PIGK: variants seen among roughly 807,000 people sequenced by gnomAD.
PIGK encodes GPI-anchor transamidase.
PIGK carries 42 observed loss-of-function variants against 50.6 expected under a neutral mutation model. That is an observed-to-expected ratio of 0.83 (90% CI 0.65 to 1.07). The LOEUF (loss-of-function observed/expected upper bound fraction) is 1.07. PIGK is among the 50% of genes least tolerant of loss of function. The pLI, the probability that PIGK is intolerant of heterozygous loss-of-function variation, is 0.00. For missense variants in PIGK, 448 were observed against 488.7 expected (o/e 0.92, Z 0.78); for synonymous variants, 151 against 156.0 (o/e 0.97, Z 0.24).
At chr1:77,135,009 T>C (rs1019779154) in intron 9 of PIGK, among the ~76,000 whole-genome samples, 8 of 152,162 alleles carry the variant, frequency 5.3e-5, no homozygotes, top group African/African-American at 1.2e-4. Context: ...CAACACCTTA[T>C]GTTATTAAGA....
At chr1:77,110,562 G>C (rs867643355) in intron 10 of PIGK, among the ~76,000 whole-genome samples, 84 of 152,262 alleles carry the variant, frequency 5.5e-4, no homozygotes, top group African/African-American at 1.8e-3. Flanking sequence ...GCCATATGTA[G>C]AAAGCTGAAA....
chr1:77,110,934 C>T (rs1325769234), intron 10 of PIGK, among the ~76,000 whole-genome samples: 2 of 152,022 alleles, frequency 1.3e-5, no homozygotes, highest in African/African-American at 4.8e-5. Context: ...ACCCCATCAA[C>T]AAGTGGGCAA....
chr1:77,219,403 G>A lies in PIGK; in HGVS notation c.-1C>T, dbSNP rs1157213436. ...GGCTGAGGCTGTCGGTGACGGCCATGTTTACCGGCTTCAGACTTCCCGCAC... is the reference window on the plus strand; with the variant it reads ...GGCTGAGGCTGTCGGTGACGGCCATATTTACCGGCTTCAGACTTCCCGCAC... On this transcript the variant is annotated 5_prime_UTR_variant, in exon 1 of 11. Transcript: ENST00000370812. 8 of 1,612,738 alleles carry A rather than the reference G, an allele frequency of 5.0e-6. No homozygotes were observed. The highest frequency in any genetic ancestry group is 6.8e-6 in the Non-Finnish European group (8 of 1,179,232).
At chr1:77,161,440 T>C in intron 7 of PIGK, 35 bp from the exon 8 acceptor site, 2 of 1,219,800 alleles carry the variant, frequency 1.6e-6, no homozygotes, top group Non-Finnish European at 2.4e-6. Context: ...TTTCTAACAG[T>C]ATCATTATAA....
chr1:77,121,527 C>T (rs187888875), intron 10 of PIGK, among the ~76,000 whole-genome samples: 233 of 152,226 alleles, frequency 1.5e-3, no homozygotes, highest in Non-Finnish European at 1.9e-3. Context: ...TATGGAAAAA[C>T]TCACAATAAC....
chr1:77,135,424 T>C (rs902635434), intron 9 of PIGK, among the ~76,000 whole-genome samples: 6 of 152,072 alleles, frequency 3.9e-5, no homozygotes, highest in Admixed American at 3.9e-4. Context: ...ATGTACTATG[T>C]ATATATTTTA....
chr1:77,151,736 C>T (rs1654897180), intron 9 of PIGK, among the ~76,000 whole-genome samples: 1 of 152,086 alleles, frequency 6.6e-6, no homozygotes, highest in Non-Finnish European at 1.5e-5. Flanking sequence ...AAAGCAATCT[C>T]ACTTGCAATA....
At position 77,210,585 on chromosome 1, in the gene PIGK, A is replaced by T. The variant is rs1188190942; in HGVS notation, c.94-96T>A. On this transcript the variant is annotated intron_variant, in intron 1 of 10. Transcript: ENST00000370812. ...AGACTCGTGTAGTTTTTACAGTTGT[A>T]ATAACAATCATCTTACGTAAGTTTA... The T allele has an allele frequency of 4.6e-6, 3 of 657,622 alleles. No individual in the cohort carries two copies. In the East Asian group the frequency reaches 9.1e-5, roughly 20 times the overall value. 40.7% of individuals were successfully genotyped at this position (657,622 alleles called of 1,614,324 possible). A position where few individuals can be genotyped will look rare whatever the true frequency, so the allele number is the denominator to read the frequency against.
intron 1 of PIGK, among the ~76,000 whole-genome samples, chr1:77,219,026 A>G (rs1180194544): frequency 2.0e-5 from 3 of 152,164 alleles, no homozygotes; most frequent in Non-Finnish European, 4.4e-5. Context: ...CTGACATTTC[A>G]CGAGCCTCTT....
chr1:77,198,170 T>C (rs1656078404), intron 3 of PIGK, among the ~76,000 whole-genome samples: 1 of 152,124 alleles, frequency 6.6e-6, no homozygotes, highest in African/African-American at 2.4e-5. Flanking sequence ...CATTTATCTT[T>C]ATTTTCAATG....
At chr1:77,206,807 T>C in intron 2 of PIGK, 76 bp from the exon 3 acceptor site, 1 of 850,788 alleles carries the variant, frequency 1.2e-6, no homozygotes, top group Non-Finnish European at 2.0e-6. Context: ...TTTCTTTAAG[T>C]AGGATACAGA....
chr1:77,092,320 T>C lies in PIGK; in HGVS notation c.*54A>G. 1 of 757,658 alleles carries C rather than the reference T, an allele frequency of 1.3e-6. No homozygotes were observed. Among genetic ancestry groups the C allele is most frequent in the Non-Finnish European group, 2.2e-6 (1 of 451,266 alleles). The allele number at this position is 757,658 out of a possible 1,614,324, so 46.9% of individuals were successfully genotyped here. A position where few individuals can be genotyped will look rare whatever the true frequency, so the allele number is the denominator to read the frequency against. On this transcript the variant is annotated 3_prime_UTR_variant, in exon 11 of 11. Coordinates refer to ENST00000370812, the MANE Select transcript of PIGK (RefSeq NM_005482.3). ...ACATTTTTAAAAATATATAATGACA[T>C]AAATTATTATCCAAGTTTGCAGTCC...
At chr1:77,180,729 C>G (rs1189983422) in intron 3 of PIGK, among the ~76,000 whole-genome samples, 1 of 151,772 alleles carries the variant, frequency 6.6e-6, no homozygotes, top group Admixed American at 6.6e-5. Context: ...GGGGGGGCTT[C>G]CAGGTCATAG....
intron 3 of PIGK, among the ~76,000 whole-genome samples, chr1:77,193,244 A>AGTGTGTGTGT (rs1307407164): frequency 7.0e-5 from 7 of 100,530 alleles, no homozygotes; most frequent in African/African-American, 3.4e-4. Flanking sequence ...GTGGCATGAG[A>AGTGTGTGTGT]ATGTGTGTGT....
At chr1:77,098,062 T>G (rs1653460458) in intron 10 of PIGK, among the ~76,000 whole-genome samples, 3 of 152,066 alleles carry the variant, frequency 2.0e-5, no homozygotes, top group Non-Finnish European at 2.9e-5. Flanking sequence ...CAGTCCAGTA[T>G]CCCAGGATTT....
At chr1:77,093,478 T>C (rs138675500) in intron 10 of PIGK, among the ~76,000 whole-genome samples, 32 of 152,246 alleles carry the variant, frequency 2.1e-4, no homozygotes, top group African/African-American at 5.1e-4. Context: ...GGGAGAGAAA[T>C]AGTAAGCTAA....
Position 77,161,333 on chromosome 1 carries a change from C to A in PIGK, c.775G>T (p.Glu259Ter), listed in dbSNP as rs200133111. The A allele has an allele frequency of 1.9e-6, 3 of 1,601,512 alleles. No homozygotes were observed. The highest frequency in any genetic ancestry group is 2.6e-6 in the Non-Finnish European group (3 of 1,168,738). ...YTFYVLEFLE[E>*]INPASQTNMN... ...TTAGTTTGGCTAGCTGGGTTAATTT[C>A]TTCCAAAAATTCCAAGACATAAAAT... The change falls in exon 8 of 11, where the codon GAA becomes TAA. Residue 259 changes from glutamate (E) to a stop codon, truncating the protein, a stop_gained. Coordinates refer to ENST00000370812, the MANE Select transcript of PIGK (RefSeq NM_005482.3). LOFTEE classifies it high-confidence loss of function.
intron 9 of PIGK, chr1:77,154,137 G>A (rs374903256): frequency 1.4e-5 from 6 of 416,364 alleles, no homozygotes; most frequent in African/African-American, 6.2e-5. Flanking sequence ...AGGCCTAACA[G>A]AAAATTATGG....
intron 4 of PIGK, 151 bp downstream of exon 4, chr1:77,169,109 T>C (rs1570238326): frequency 2.1e-6 from 1 of 477,692 alleles, no homozygotes; most frequent in Non-Finnish European, 3.6e-6. Flanking sequence ...TATATATCAT[T>C]GCCTTAATAT....
Sources: gnomAD v4.1 joint callset for allele counts (sites outside exome capture counted in the v4.1 genomes callset) on GRCh38, gnomAD v4.1.1 for gene constraint, MANE v1.5 for transcripts, NCBI Gene and HGNC (gene_info 2026-07-23, HGNC 2026-07-21) for gene names.